The following MAGEC3 variants were observed in gnomAD, a reference collection of about 807,000 sequenced individuals.
The protein encoded by MAGEC3 is melanoma-associated antigen C3.
Under a neutral mutation model 35.3 loss-of-function variants are expected in MAGEC3, and 34 were observed. The ratio of observed to expected loss-of-function variants is 0.96; its 90% CI spans 0.73 to 1.28. MAGEC3 has a LOEUF of 1.28. Ranked by LOEUF, MAGEC3 falls within the 50% of genes most tolerant of loss-of-function variation. The probability of loss-of-function intolerance (pLI) is 0.00; values close to 1 mark genes in which losing one functional copy is unlikely to be tolerated. For synonymous variants in MAGEC3, 202 were observed against 185.6 expected (o/e 1.09, Z -0.72); for missense variants, 561 against 483.6 (o/e 1.16, Z -1.50).
At chrX:141,852,066 C>T (rs1751549165) in intron 1 of MAGEC3, among the ~76,000 whole-genome samples, 1 of 107,020 alleles carries the variant, frequency 9.3e-6, no homozygotes, top group Non-Finnish European at 1.9e-5. Flanking sequence ...TCCTCCAATC[C>T]GTGAACATAG....
intron 1 of MAGEC3, among the ~76,000 whole-genome samples, chrX:141,864,236 C>G (rs2017833431): frequency 1.9e-5 from 2 of 102,599 alleles, no homozygotes; most frequent in Admixed American, 2.2e-4. Flanking sequence ...TCCCAGTGCT[C>G]TGGGTAGCTG....
chrX:141,867,574 C>A (rs1448462527), intron 2 of MAGEC3, among the ~76,000 whole-genome samples: 1 of 112,027 alleles, frequency 8.9e-6, no homozygotes. Flanking sequence ...TGCCCAAAAA[C>A]CCCTCTCGGG....
chrX:141,876,397 G>A (rs2017920426), intron 2 of MAGEC3, among the ~76,000 whole-genome samples: 1 of 111,809 alleles, frequency 8.9e-6, no homozygotes, highest in African/African-American at 3.3e-5. Flanking sequence ...CCTGCTCTCA[G>A]GAAGCAAAGG....
At chrX:141,845,448 A>T (rs752038516) in intron 1 of MAGEC3, among the ~76,000 whole-genome samples, 5 of 111,183 alleles carry the variant, frequency 4.5e-5, no homozygotes, top group Non-Finnish European at 9.5e-5. Context: ...GTTTTGCCGA[A>T]TAAAAGTCGT....
intron 2 of MAGEC3, among the ~76,000 whole-genome samples, chrX:141,877,345 A>T (rs1179604214): frequency 9.0e-6 from 1 of 111,603 alleles, no homozygotes; most frequent in African/African-American, 3.3e-5. Context: ...TATTTTCCTA[A>T]GATACTTGAT....
intron 1 of MAGEC3, among the ~76,000 whole-genome samples, chrX:141,858,207 G>GATGC (rs762467204): frequency 9.0e-6 from 1 of 111,260 alleles, no homozygotes; most frequent in Admixed American, 9.6e-5. Flanking sequence ...AAAATGTCAG[G>GATGC]ATGCATGCAG....
At position 141,893,714 on chromosome X, in the gene MAGEC3, TGGGG is replaced by T. The variant is rs148119130; in HGVS notation, c.910-1547_910-1544del. 1.6e-3 allele frequency among the ~76,000 whole-genome samples: 120 copies of T among 76,349 alleles called. 1 individual carries two copies. The highest frequency in any genetic ancestry group is 5.9e-3 in the African/African-American group (113 of 19,260). The allele number at this position is 76,349 out of a possible 115,157, so 66.3% of individuals were successfully genotyped here. A position where few individuals can be genotyped will look rare whatever the true frequency, so the allele number is the denominator to read the frequency against. ...TAGGGCAGGGCAGGAGGGCAGGAAT[TGGGG>T]GGGGGGGCGTAGATATGTGAGAACT... On this transcript the variant is annotated intron_variant, in intron 4 of 7. Coordinates refer to ENST00000298296, the MANE Select transcript of MAGEC3 (RefSeq NM_138702.1).
chrX:141,877,104 G>A (rs5954452), intron 2 of MAGEC3, among the ~76,000 whole-genome samples: 2,693 of 112,026 alleles, frequency 0.024, 85 homozygotes, highest in African/African-American at 0.083. Context: ...GATTGCAGTC[G>A]ATCTGTAGAT....
chrX:141,893,500 C>T (rs1357722406), intron 4 of MAGEC3, among the ~76,000 whole-genome samples: 2 of 110,862 alleles, frequency 1.8e-5, no homozygotes, highest in Non-Finnish European at 3.8e-5. Context: ...CCATTACACA[C>T]TTATCAAAAC....
chrX:141,879,472 G>A, intron 3 of MAGEC3, 41 bp downstream of exon 3: 1 of 1,135,746 alleles, frequency 8.8e-7, no homozygotes, highest in African/African-American at 1.8e-5. Flanking sequence ...AAGTGAGGAG[G>A]AAAAGGTGGA....
At chrX:141,841,685 G>T (rs953715003) in intron 1 of MAGEC3, among the ~76,000 whole-genome samples, 30 of 111,666 alleles carry the variant, frequency 2.7e-4, no homozygotes, top group African/African-American at 9.1e-4. Context: ...TACTGACTGG[G>T]ACTGATCAAT....
At chrX:141,850,487 A>T (rs762662628) in intron 1 of MAGEC3, among the ~76,000 whole-genome samples, 266 of 111,723 alleles carry the variant, frequency 2.4e-3, no homozygotes, top group African/African-American at 8.0e-3. Flanking sequence ...AAGTTCAAAG[A>T]CAATCAGCTG....
At chrX:141,867,298 C>T (rs1180278241) in intron 2 of MAGEC3, among the ~76,000 whole-genome samples, 1 of 111,913 alleles carries the variant, frequency 8.9e-6, no homozygotes, top group Non-Finnish European at 1.9e-5. Context: ...CAGTGGGCCC[C>T]AGTAAAACAA....
At chrX:141,868,709 G>C (rs1306864658) in intron 2 of MAGEC3, among the ~76,000 whole-genome samples, 2 of 109,786 alleles carry the variant, frequency 1.8e-5, no homozygotes, top group Non-Finnish European at 3.8e-5. Context: ...AGATCACTTG[G>C]GATTCCTGGC....
intron 1 of MAGEC3, among the ~76,000 whole-genome samples, chrX:141,840,759 G>T (rs1261622257): frequency 3.7e-5 from 4 of 106,798 alleles, no homozygotes; most frequent in African/African-American, 1.4e-4. Context: ...GGGTAGTTAT[G>T]CTTTTGTGTG....
At chrX:141,896,715 G>T in intron 6 of MAGEC3, 167 bp from the exon 7 acceptor site, 1 of 1,211,866 alleles carries the variant, frequency 8.3e-7, no homozygotes, top group Non-Finnish European at 1.1e-6. Flanking sequence ...ACCCGAGTGT[G>T]ACAGAGGACT....
At chrX:141,882,761 A>C (rs1603074015) in intron 4 of MAGEC3, among the ~76,000 whole-genome samples, 1 of 112,177 alleles carries the variant, frequency 8.9e-6, no homozygotes, top group Non-Finnish European at 1.9e-5. Context: ...AGCAAGAGTT[A>C]TGCCTTACCT....
chrX:141,848,353 C>T (rs1214612041), intron 1 of MAGEC3, among the ~76,000 whole-genome samples: 1 of 109,751 alleles, frequency 9.1e-6, no homozygotes, highest in African/African-American at 3.3e-5. Flanking sequence ...TCTTCACTGA[C>T]AATATGATTC....
intron 1 of MAGEC3, chrX:141,839,207 T>G (rs2017671516): frequency 6.3e-6 from 1 of 157,525 alleles, no homozygotes. Flanking sequence ...CCATCTCTGC[T>G]TTAAGTATTG....
Sources: gnomAD v4.1 joint callset for allele counts (sites outside exome capture counted in the v4.1 genomes callset) on GRCh38, gnomAD v4.1.1 for gene constraint, MANE v1.5 for transcripts, NCBI Gene and HGNC (gene_info 2026-07-23, HGNC 2026-07-21) for gene names.